The following TPPP2 variants were observed in gnomAD, a reference collection of about 807,000 sequenced individuals.
The protein encoded by TPPP2 is tubulin polymerization promoting protein family member 2, also known as tubulin polymerization-promoting protein family member 2.
A neutral mutation model predicts 13.0 loss-of-function variants in TPPP2; 8 were observed. The ratio of observed to expected loss-of-function variants is 0.62; its 90% CI spans 0.36 to 1.11. The LOEUF is 1.11. Among genes scored for constraint, TPPP2 ranks in the 50% most tolerant of loss-of-function variants. TPPP2 has a pLI of 0.02. For missense variants in TPPP2, 213 were observed against 216.9 expected (o/e 0.98, Z 0.11); for synonymous variants, 81 against 81.8 (o/e 0.99, Z 0.05).
At chr14:21,031,391 G>A (rs1011903974) in intron 3 of TPPP2, 125 of 538,078 alleles carry the variant, frequency 2.3e-4, no homozygotes, top group Non-Finnish European at 3.3e-4. Flanking sequence ...ATTTCCAAGT[G>A]TCTAGTATCT....
At chr14:21,033,856 C>T (rs1884421889), downstream of TPPP2, 4 of 1,613,950 alleles carry the variant, frequency 2.5e-6, no homozygotes, top group Non-Finnish European at 3.4e-6. Context: ...CCTATTGGAT[C>T]AGCTTCATAC....
Position 21,032,133 on chromosome 14 carries a change from G to A in TPPP2, c.*56G>A. 2 of 1,563,858 alleles carry A rather than the reference G, an allele frequency of 1.3e-6. No individual in the cohort carries two copies. Among genetic ancestry groups the A allele is most frequent in the East Asian group, 4.5e-5 (2 of 44,414 alleles). On this transcript the variant is annotated 3_prime_UTR_variant, in exon 4 of 4. Transcript: ENST00000321760. ...CTGACCCTGCATGTTTAACACCAGGGAGCTTGGAAAACAATAAACATCTGT... is the reference window on the plus strand; with the variant it reads ...CTGACCCTGCATGTTTAACACCAGGAAGCTTGGAAAACAATAAACATCTGT...
At position 21,030,529 on chromosome 14, in the gene TPPP2, T is replaced by A; in HGVS notation, c.-53T>A. ...ACTCCACAGTCCTCCCTCCCCCTTC[T>A]CCTTCACCCCCAAGTGTCTCCCACG... On this transcript the variant is annotated 5_prime_UTR_variant, in exon 2 of 4. Coordinates refer to ENST00000321760, the MANE Select transcript of TPPP2 (RefSeq NM_173846.5). 1 of 1,572,210 alleles carries A rather than the reference T, an allele frequency of 6.4e-7. No individual in the cohort carries two copies. The highest frequency in any genetic ancestry group is 8.7e-7 in the Non-Finnish European group (1 of 1,153,480).
downstream of TPPP2, among the ~76,000 whole-genome samples, chr14:21,035,464 G>T (rs957125354): frequency 1.3e-5 from 2 of 152,212 alleles, no homozygotes; most frequent in African/African-American, 4.8e-5. Context: ...CAAAGAGCCA[G>T]CTCCCTGGAA....
At chr14:21,035,467 C>G (rs1055037117), downstream of TPPP2, among the ~76,000 whole-genome samples, 2 of 152,204 alleles carry the variant, frequency 1.3e-5, no homozygotes. Context: ...AGAGCCAGCT[C>G]CCTGGAAACT....
downstream of TPPP2, chr14:21,034,374 C>G: frequency 1.1e-6 from 1 of 930,522 alleles, no homozygotes; most frequent in Non-Finnish European, 1.7e-6. Context: ...TCCAGCATTC[C>G]CAACCCAACA....
chr14:21,033,951 G>A (rs114504351), downstream of TPPP2: 25,870 of 1,613,962 alleles, frequency 0.016, 293 homozygotes, highest in Middle Eastern at 0.029. Flanking sequence ...GTGGCTCAGG[G>A]AGCAGACCGT....
At chr14:21,031,825 A>G in intron 3 of TPPP2, 67 bp from the exon 4 acceptor site, 2 of 1,535,562 alleles carry the variant, frequency 1.3e-6, no homozygotes, top group African/African-American at 1.4e-5. Flanking sequence ...ATCTCGGGCC[A>G]TCTTTGGGGA....
At chr14:21,033,766 G>T, downstream of TPPP2, 3 of 1,194,662 alleles carry the variant, frequency 2.5e-6, no homozygotes, top group African/African-American at 1.5e-5. Flanking sequence ...CAGAGTGTTG[G>T]AAATGGAGAC....
chr14:21,026,694 A>G (rs8012904), upstream of TPPP2, among the ~76,000 whole-genome samples: 5,181 of 152,046 alleles, frequency 0.034, 282 homozygotes, highest in African/African-American at 0.11. Context: ...AGCTCCCCCT[A>G]CATCCCCCAA....
chr14:21,035,234 G>A (rs1487535254), downstream of TPPP2, among the ~76,000 whole-genome samples: 1 of 152,226 alleles, frequency 6.6e-6, no homozygotes, highest in Non-Finnish European at 1.5e-5. Flanking sequence ...CTCAGGCCCT[G>A]TCAGAGTTTG....
downstream of TPPP2, chr14:21,033,688 C>A: frequency 2.8e-6 from 2 of 703,908 alleles, no homozygotes; most frequent in African/African-American, 1.8e-5. Context: ...ATTTTCGCAC[C>A]CACCTGGTCT....
At chr14:21,026,505 C>T (rs1488734015), upstream of TPPP2, among the ~76,000 whole-genome samples, 3 of 150,654 alleles carry the variant, frequency 2.0e-5, no homozygotes, top group Non-Finnish European at 4.4e-5. Context: ...GGGAACCACC[C>T]TCCCACCACC....
At chr14:21,033,964 T>A, downstream of TPPP2, 1 of 1,613,958 alleles carries the variant, frequency 6.2e-7, no homozygotes. Flanking sequence ...CAGACCGTGA[T>A]GGGGAGGGAA....
At position 21,025,007 on chromosome 14, in the gene TPPP2, C is replaced by A. The variant is rs1420094507; in HGVS notation, n.236+663C>A. The A allele has an allele frequency of 8.1e-6, 8 of 985,822 alleles. No homozygotes were observed. The highest frequency in any genetic ancestry group is 9.6e-6 in the Non-Finnish European group (8 of 830,374). 61.1% of individuals were successfully genotyped at this position (985,822 alleles called of 1,614,324 possible). A position where few individuals can be genotyped will look rare whatever the true frequency, so the allele number is the denominator to read the frequency against. On this transcript the variant is annotated intron_variant and non_coding_transcript_variant, in intron 1 of 1. Transcript: ENST00000533755. This position sits in a 1 kb window ranked among gnomAD's most constrained non-coding sequence, Gnocchi z 5.1. The stretch of plus-strand genomic sequence containing the variant: ...CTGGCGCCTTCCAGGCCCTACGGCC[C>A]CTCGCCTGCCCCTCCCCCTACCTGC...
chr14:21,032,250 T>G lies in TPPP2; in HGVS notation c.*173T>G. The G allele has an allele frequency of 1.4e-6, 1 of 722,700 alleles. No homozygotes were observed. The highest frequency in any genetic ancestry group is 1.5e-5 in the South Asian group (1 of 67,396). 44.8% of individuals were successfully genotyped at this position (722,700 alleles called of 1,614,324 possible). A position where few individuals can be genotyped will look rare whatever the true frequency, so the allele number is the denominator to read the frequency against. On this transcript the variant is annotated 3_prime_UTR_variant, in exon 4 of 4. Transcript: ENST00000321760. ...AGAGGCAGCACAGGAGGGTGGGTTC[T>G]CCACCACACACCCTTCGCTCTGCTT... is the stretch of plus-strand genomic sequence containing the variant.
chr14:21,032,734 C>A lies in TPPP2; in HGVS notation c.*657C>A. On this transcript the variant is annotated 3_prime_UTR_variant, in exon 4 of 4. Coordinates refer to ENST00000321760, the MANE Select transcript of TPPP2 (RefSeq NM_173846.5). Reference sequence around the variant, plus strand: ...TGCTAAGGGTAGCTCAGGAAGATGGCCAGATGAGGCAGGCTGCCAGGATTC... The same window carrying A: ...TGCTAAGGGTAGCTCAGGAAGATGGACAGATGAGGCAGGCTGCCAGGATTC... The A allele has an allele frequency of 2.8e-6, 1 of 363,418 alleles. No homozygotes were observed. The highest frequency in any genetic ancestry group is 5.3e-6 in the Non-Finnish European group (1 of 187,386). The allele number at this position is 363,418 out of a possible 1,614,324, so 22.5% of individuals were successfully genotyped here. A position where few individuals can be genotyped will look rare whatever the true frequency, so the allele number is the denominator to read the frequency against.
chr14:21,034,592 G>T (rs1277000631), downstream of TPPP2: 2 of 325,608 alleles, frequency 6.1e-6, no homozygotes, highest in East Asian at 1.0e-4. Context: ...CTTCCCAAGA[G>T]TCCTTGGGCC....
upstream of TPPP2, among the ~76,000 whole-genome samples, chr14:21,026,572 C>T (rs1015021955): frequency 6.6e-6 from 1 of 151,642 alleles, no homozygotes; most frequent in Non-Finnish European, 1.5e-5. Flanking sequence ...CCCTTTCATC[C>T]CCACTTGGCA....
Sources: allele counts gnomAD v4.1 joint callset (sites outside exome capture counted in the v4.1 genomes callset), GRCh38; gene constraint gnomAD v4.1.1; non-coding constraint Gnocchi (gnomAD v3.1); transcripts MANE v1.5; gene names NCBI Gene and HGNC (gene_info 2026-07-23, HGNC 2026-07-21).